PLEKHM3: variants seen among roughly 807,000 people sequenced by gnomAD.
PLEKHM3 encodes the protein pleckstrin homology domain containing M3.
PLEKHM3 carries 45 observed loss-of-function variants against 81.8 expected under a neutral mutation model. The observed-to-expected ratio is 0.55, with a 90% CI of 0.43 to 0.71. The LOEUF is 0.71. Among genes scored for constraint, PLEKHM3 ranks in the 30% least tolerant of loss-of-function variants. The probability of loss-of-function intolerance (pLI) is 0.00; values close to 1 mark genes in which losing one functional copy is unlikely to be tolerated. For missense variants in PLEKHM3, 788 were observed against 924.3 expected (o/e 0.85, Z 1.91); for synonymous variants, 352 against 356.4 (o/e 0.99, Z 0.14).
At chr2:207,878,598 A>C (rs1270488709) in intron 6 of PLEKHM3, among the ~76,000 whole-genome samples, 1 of 152,202 alleles carries the variant, frequency 6.6e-6, no homozygotes, top group Non-Finnish European at 1.5e-5. Flanking sequence ...ACAAGAGTGA[A>C]ACTGTCTCAA....
chr2:207,867,072 C>T (rs1165866299), intron 6 of PLEKHM3, among the ~76,000 whole-genome samples: 2 of 152,156 alleles, frequency 1.3e-5, no homozygotes, highest in African/African-American at 2.4e-5. Flanking sequence ...TGAAATATCC[C>T]GTCTTCCAGG....
intron 7 of PLEKHM3, among the ~76,000 whole-genome samples, chr2:207,848,291 T>C (rs2092395324): frequency 6.6e-6 from 1 of 152,158 alleles, no homozygotes. Context: ...TTTCAAAAAG[T>C]GACAAACTAC....
In PLEKHM3 at chr2:207,877,808, T is replaced by G. The variant is rs1349392654; in HGVS notation, c.1951-16546A>C. Among the ~76,000 whole-genome samples the G allele has an allele frequency of 2.0e-5, 3 of 152,322 alleles. No homozygotes were observed. The East Asian group carries it at 5.8e-4, about 29-fold the overall frequency. ...TTCAACCATTCCAAACCATTCTCTA[T>G]GCCATCACCAGAAAGATCTTATTAA... is the stretch of plus-strand genomic sequence containing the variant. On this transcript the variant is annotated intron_variant, in intron 6 of 7. Coordinates refer to ENST00000427836, the MANE Select transcript of PLEKHM3 (RefSeq NM_001080475.3).
chr2:207,893,125 CA>C (rs141819899), intron 6 of PLEKHM3, among the ~76,000 whole-genome samples: 43,010 of 151,788 alleles, frequency 0.28, 6,513 homozygotes, highest in Middle Eastern at 0.4. Context: ...AGTTGGAAAA[CA>C]AAAAAAGCGT....
At chr2:207,953,163 A>T (rs1436760072) in intron 3 of PLEKHM3, among the ~76,000 whole-genome samples, 1 of 151,988 alleles carries the variant, frequency 6.6e-6, no homozygotes, top group Non-Finnish European at 1.5e-5. Context: ...GCTAATGCGG[A>T]TAGTATGGCA....
At chr2:207,973,832 G>A (rs1037133648) in intron 3 of PLEKHM3, among the ~76,000 whole-genome samples, 11 of 152,010 alleles carry the variant, frequency 7.2e-5, no homozygotes, top group South Asian at 2.1e-4. Flanking sequence ...GCAACTGAAT[G>A]CAGCACTTTC....
At position 207,946,396 on chromosome 2, in the gene PLEKHM3, C is replaced by G; in HGVS notation, c.1663G>C (p.Val555Leu). The G allele has an allele frequency of 6.2e-7, 1 of 1,614,146 alleles. No homozygotes were observed. Residue 555 changes from valine to leucine, a missense_variant, in exon 4 of 8, where the codon GTC (valine) becomes CTC (leucine). By Grantham distance (32) the Val-to-Leu change is conservative. Transcript: ENST00000427836. The stretch of plus-strand genomic sequence containing the variant: ...TACTTTGAAGTATCCCAGTTGTGGA[C>G]TATGCGTGCTGGAATGAGAAAGCTG... ...DDSFLIPARI[V>L]HNWDTSKYKV...
intron 2 of PLEKHM3, among the ~76,000 whole-genome samples, chr2:208,000,824 A>G (rs893444345): frequency 6.6e-6 from 1 of 152,214 alleles, no homozygotes; most frequent in African/African-American, 2.4e-5. Context: ...TGTAAAGTAC[A>G]CAAGAAAATG....
At chr2:208,017,294 T>C (rs575259123) in intron 1 of PLEKHM3, among the ~76,000 whole-genome samples, 6 of 152,324 alleles carry the variant, frequency 3.9e-5, no homozygotes, top group Admixed American at 6.5e-5. Flanking sequence ...CAAAGCAGTG[T>C]ACAGGATGCC....
intron 7 of PLEKHM3, among the ~76,000 whole-genome samples, chr2:207,857,280 C>G (rs974734253): frequency 2.0e-5 from 3 of 152,164 alleles, no homozygotes; most frequent in African/African-American, 7.2e-5. Context: ...CACCCTTATC[C>G]TTGCAGATTC....
At chr2:207,935,841 C>G (rs1327942825) in intron 4 of PLEKHM3, among the ~76,000 whole-genome samples, 1 of 152,136 alleles carries the variant, frequency 6.6e-6, no homozygotes, top group African/African-American at 2.4e-5. Flanking sequence ...AGCAAGTAGG[C>G]TACAAATGAA....
intron 6 of PLEKHM3, among the ~76,000 whole-genome samples, chr2:207,907,685 G>A (rs1410131283): frequency 6.6e-6 from 1 of 151,894 alleles, no homozygotes; most frequent in Non-Finnish European, 1.5e-5. Flanking sequence ...TTTTTAATTG[G>A]GAAAATTCAC....
rs1322755190 is a variant in PLEKHM3, at chr2:207,825,847, T to C, written c.*2472A>G. On this transcript the variant is annotated 3_prime_UTR_variant, in exon 8 of 8. Coordinates refer to ENST00000427836, the MANE Select transcript of PLEKHM3 (RefSeq NM_001080475.3). ...CCTTTTGAAAATAAGCAGAAAATGA[T>C]GTGGGTGGAAAGTCCTCCTTAGGAG... is the stretch of plus-strand genomic sequence containing the variant. 6.6e-6 allele frequency: 1 copy of C among 152,160 alleles called. No individual in the cohort carries two copies. Among genetic ancestry groups the C allele is most frequent in the Non-Finnish European group, 1.5e-5 (1 of 68,024 alleles). 9.4% of individuals were successfully genotyped at this position (152,160 alleles called of 1,614,324 possible). A position where few individuals can be genotyped will look rare whatever the true frequency, so the allele number is the denominator to read the frequency against.
chr2:207,852,432 T>C (rs2092417814), intron 7 of PLEKHM3, among the ~76,000 whole-genome samples: 1 of 152,214 alleles, frequency 6.6e-6, no homozygotes, highest in South Asian at 2.1e-4. Flanking sequence ...ACCTTCTCTA[T>C]ATCTGTCAGA....
At chr2:207,898,061 G>C (rs1688282691) in intron 6 of PLEKHM3, among the ~76,000 whole-genome samples, 1 of 152,056 alleles carries the variant, frequency 6.6e-6, no homozygotes, top group South Asian at 2.1e-4. Context: ...TTTGGGATGG[G>C]GTCTGCCGCC....
At chr2:207,887,983 C>T (rs1305457290) in intron 6 of PLEKHM3, among the ~76,000 whole-genome samples, 1 of 152,068 alleles carries the variant, frequency 6.6e-6, no homozygotes, top group East Asian at 1.9e-4. Flanking sequence ...TCAGAAAGAT[C>T]TGCATTATAA....
chr2:207,866,456 G>T (rs562839398), intron 6 of PLEKHM3, among the ~76,000 whole-genome samples: 1 of 152,074 alleles, frequency 6.6e-6, no homozygotes, highest in Non-Finnish European at 1.5e-5. Context: ...TGGGCCTGGC[G>T]AATTCTTAAG....
intron 7 of PLEKHM3, among the ~76,000 whole-genome samples, chr2:207,830,009 C>T (rs561819219): frequency 6.6e-5 from 10 of 152,130 alleles, no homozygotes; most frequent in African/African-American, 2.4e-4. Flanking sequence ...TGGAGACACA[C>T]TGTTGCGGGG....
chr2:207,898,129 A>G (rs1688285005), intron 6 of PLEKHM3, among the ~76,000 whole-genome samples: 1 of 152,242 alleles, frequency 6.6e-6, no homozygotes. Flanking sequence ...TTCAGCATTC[A>G]TTAGTTTGAC....
Sources: gnomAD v4.1 joint callset for allele counts (sites outside exome capture counted in the v4.1 genomes callset) on GRCh38, gnomAD v4.1.1 for gene constraint, MANE v1.5 for transcripts, NCBI Gene and HGNC (gene_info 2026-07-23, HGNC 2026-07-21) for gene names.